Variants in SYNPO2 observed in about 807,000 individuals in gnomAD.
The protein encoded by SYNPO2 is synaptopodin 2, also known as synaptopodin-2.
Under a neutral mutation model 85.0 loss-of-function variants are expected in SYNPO2, and 56 were observed. The ratio of observed to expected loss-of-function variants is 0.66; its 90% CI spans 0.53 to 0.82. SYNPO2 has a LOEUF of 0.82. SYNPO2 is among the 40% of genes least tolerant of loss of function. The probability of loss-of-function intolerance (pLI) is 0.00; values close to 1 mark genes in which losing one functional copy is unlikely to be tolerated. For missense variants in SYNPO2, 1,575 were observed against 1,534.2 expected, an observed-to-expected ratio of 1.03 and a Z score of -0.44; for synonymous variants, 602 against 591.1, an observed-to-expected ratio of 1.02 and a Z score of -0.27.
At chr4:118,878,815 A>C (rs1731978366) in intron 1 of SYNPO2, among the ~76,000 whole-genome samples, 1 of 152,246 alleles carries the variant, frequency 6.6e-6, no homozygotes, top group Non-Finnish European at 1.5e-5. Context: ...GGGTGGGGCC[A>C]AATAAGGGAA....
chr4:119,041,334 C>G (rs1283985244), intron 4 of SYNPO2, among the ~76,000 whole-genome samples: 1 of 152,138 alleles, frequency 6.6e-6, no homozygotes, highest in Non-Finnish European at 1.5e-5. Context: ...CTTTTTTCAC[C>G]TAGCATATCT....
chr4:119,027,803 T>C (rs1025981659), intron 3 of SYNPO2, among the ~76,000 whole-genome samples: 1 of 152,168 alleles, frequency 6.6e-6, no homozygotes, highest in African/African-American at 2.4e-5. Flanking sequence ...GGACTCAGTT[T>C]AAATGTCAAA....
At chr4:119,021,314 A>G (rs573059502) in intron 1 of SYNPO2, among the ~76,000 whole-genome samples, 7 of 152,326 alleles carry the variant, frequency 4.6e-5, no homozygotes, top group Admixed American at 4.6e-4. Context: ...ATCATTTAAG[A>G]CTTTAGCAGG....
chr4:118,926,992 G>A (rs540072331), intron 1 of SYNPO2, among the ~76,000 whole-genome samples: 3 of 152,174 alleles, frequency 2.0e-5, no homozygotes, highest in African/African-American at 7.2e-5. Flanking sequence ...CCCTGCGTAG[G>A]GCACCCCTGC....
intron 1 of SYNPO2, among the ~76,000 whole-genome samples, chr4:118,915,990 A>T (rs1733304397): frequency 6.6e-6 from 1 of 152,086 alleles, no homozygotes; most frequent in Non-Finnish European, 1.5e-5. Context: ...GTTCTTTAGA[A>T]CATTTTTACA....
chr4:119,006,487 T>G (rs891150505), intron 1 of SYNPO2: 23 of 152,320 alleles, frequency 1.5e-4, no homozygotes, highest in Middle Eastern at 3.4e-3. Flanking sequence ...TTCTCAGAAT[T>G]TATAAACTAC....
rs202205753 is a variant in SYNPO2 at position 118,856,964 on chromosome 4, AC to A, written c.12+6025del. On this transcript the variant is annotated intron_variant, in intron 1 of 4. Coordinates refer to the SYNPO2 transcript ENST00000610556. The stretch of plus-strand genomic sequence containing the variant: ...AATATGAATTTACTTTGCTTTTAAA[AC>A]ATCAATAAAAGCTCTTTATTCATAA... Among the ~76,000 whole-genome samples the A allele has an allele frequency of 8.7e-3, 1,322 of 152,242 alleles. 21 individuals carry two copies. Among genetic ancestry groups the A allele is most frequent in the African/African-American group, 0.03 (1,242 of 41,542 alleles).
intron 1 of SYNPO2, among the ~76,000 whole-genome samples, chr4:118,951,109 G>A (rs919942411): frequency 2.6e-5 from 4 of 152,158 alleles, no homozygotes; most frequent in Admixed American, 2.0e-4. Flanking sequence ...TGTGTGCTTG[G>A]TCTATACAGA....
intron 4 of SYNPO2, chr4:119,041,890 T>C (rs373597750): frequency 1.3e-5 from 2 of 152,352 alleles, no homozygotes; most frequent in South Asian, 4.1e-4. Flanking sequence ...TAGGAATTTG[T>C]TTTTGTAACA....
chr4:118,969,150 G>T (rs1280821815), intron 1 of SYNPO2, among the ~76,000 whole-genome samples: 2 of 152,076 alleles, frequency 1.3e-5, no homozygotes, highest in African/African-American at 4.8e-5. Context: ...ACAACACTCT[G>T]TCTCTGGTGG....
Position 118,866,683 on chromosome 4 carries a change from C to T in SYNPO2, c.12+15743C>T, listed in dbSNP as rs920111224. Among the ~76,000 whole-genome samples the T allele has an allele frequency of 2.0e-5, 3 of 152,256 alleles. No individual in the cohort carries two copies. In the East Asian group the frequency reaches 5.8e-4, roughly 29 times the overall value. The stretch of plus-strand genomic sequence containing the variant: ...GGGGGTGGACCTCCCCCTTGCTGTT[C>T]TCATGATAGAGTTTCCACAAGATCT... On this transcript the variant is annotated intron_variant, in intron 1 of 4. Coordinates refer to the SYNPO2 transcript ENST00000610556.
chr4:118,914,387 G>A (rs1258323235), intron 1 of SYNPO2, among the ~76,000 whole-genome samples: 1 of 151,906 alleles, frequency 6.6e-6, no homozygotes, highest in Non-Finnish European at 1.5e-5. Flanking sequence ...ACAGAAAATT[G>A]GAGAAGACCA....
chr4:118,902,546 T>G (rs183809356), intron 1 of SYNPO2, among the ~76,000 whole-genome samples: 52 of 152,226 alleles, frequency 3.4e-4, no homozygotes, highest in African/African-American at 1.2e-3. Flanking sequence ...TGATTTAATT[T>G]TCTCCCACTG....
At chr4:118,857,356 G>A (rs924195475) in intron 1 of SYNPO2, among the ~76,000 whole-genome samples, 2 of 152,014 alleles carry the variant, frequency 1.3e-5, no homozygotes, top group African/African-American at 2.4e-5. Flanking sequence ...GAGAAACTTC[G>A]TAAAATGATG....
At chr4:119,049,086 G>A (rs1276914722) in intron 4 of SYNPO2, among the ~76,000 whole-genome samples, 1 of 152,186 alleles carries the variant, frequency 6.6e-6, no homozygotes, top group Non-Finnish European at 1.5e-5. Context: ...AGGTTGAGAA[G>A]ACTTGGTCAG....
At chr4:118,916,240 T>C (rs1281663885) in intron 1 of SYNPO2, among the ~76,000 whole-genome samples, 2 of 151,678 alleles carry the variant, frequency 1.3e-5, no homozygotes, top group African/African-American at 2.4e-5. Flanking sequence ...TGGTACAATC[T>C]TAGCTCACTG....
chr4:118,851,596 ATT>A (rs1731421207), intron 1 of SYNPO2, among the ~76,000 whole-genome samples: 1 of 152,250 alleles, frequency 6.6e-6, no homozygotes, highest in African/African-American at 2.4e-5. Flanking sequence ...ATTAAAACTC[ATT>A]GTTACAATAT....
chr4:119,054,542 T>A (rs1234218865), intron 4 of SYNPO2, among the ~76,000 whole-genome samples: 1 of 152,024 alleles, frequency 6.6e-6, no homozygotes. Context: ...TGAAGTCAGG[T>A]CATCTCTTCT....
intron 1 of SYNPO2, among the ~76,000 whole-genome samples, chr4:118,881,270 C>A (rs1250846214): frequency 2.0e-5 from 3 of 150,392 alleles, no homozygotes; most frequent in Non-Finnish European, 4.4e-5. Flanking sequence ...CCACTGGACT[C>A]CAGCCTGGGC....
Sources: gnomAD v4.1 joint callset for allele counts (sites outside exome capture counted in the v4.1 genomes callset) on GRCh38, gnomAD v4.1.1 for gene constraint, MANE v1.5 for transcripts, NCBI Gene and HGNC (gene_info 2026-07-23, HGNC 2026-07-21) for gene names.